The following NEXMIF variants were observed in gnomAD, a reference collection of about 807,000 sequenced individuals.
NEXMIF encodes neurite extension and migration factor.
Under a neutral mutation model 62.1 loss-of-function variants are expected in NEXMIF, and 8 were observed. The observed-to-expected ratio is 0.13, with a 90% CI of 0.08 to 0.23. The LOEUF (loss-of-function observed/expected upper bound fraction) is 0.23. NEXMIF is among the 10% of genes least tolerant of loss of function. NEXMIF has a pLI of 1.00. For missense variants in NEXMIF, 976 were observed against 1,113.3 expected, an observed-to-expected ratio of 0.88 and a Z score of 1.75; for synonymous variants, 404 against 416.6, an observed-to-expected ratio of 0.97 and a Z score of 0.37.
At chrX:74,893,132 C>T (rs1044144012) in intron 1 of NEXMIF, among the ~76,000 whole-genome samples, 3 of 112,177 alleles carry the variant, frequency 2.7e-5, no homozygotes, top group Non-Finnish European at 5.6e-5. Flanking sequence ...CCAGTAGAAT[C>T]AGAAAATATA....
At chrX:74,915,369 T>C (rs1324230166) in intron 1 of NEXMIF, among the ~76,000 whole-genome samples, 4 of 112,377 alleles carry the variant, frequency 3.6e-5, no homozygotes, top group Non-Finnish European at 5.6e-5. Context: ...CATTGGGGCA[T>C]TGGGAGAAGG....
intron 1 of NEXMIF, among the ~76,000 whole-genome samples, chrX:74,787,249 C>T (rs2080263808): frequency 9.4e-6 from 1 of 106,285 alleles, no homozygotes; most frequent in East Asian, 2.9e-4. Context: ...CGCCACTGTA[C>T]TCCAGTCTGG....
chrX:74,837,872 T>C (rs1285985127), intron 1 of NEXMIF, among the ~76,000 whole-genome samples: 1 of 112,043 alleles, frequency 8.9e-6, no homozygotes, highest in Non-Finnish European at 1.9e-5. Context: ...AAACTGAGCT[T>C]ATGAGAAAGG....
At chrX:74,911,371 G>A (rs2080789143) in intron 1 of NEXMIF, among the ~76,000 whole-genome samples, 1 of 111,564 alleles carries the variant, frequency 9.0e-6, no homozygotes, top group East Asian at 2.8e-4. Flanking sequence ...AGTGAGCTGA[G>A]ATCATGCCAC....
At chrX:74,873,044 G>C (rs2147505629) in intron 1 of NEXMIF, among the ~76,000 whole-genome samples, 1 of 108,321 alleles carries the variant, frequency 9.2e-6, no homozygotes, top group African/African-American at 3.4e-5. Flanking sequence ...AAATGTGCAG[G>C]TTCATTACTT....
At chrX:74,792,198 G>T (rs1471815965) in intron 1 of NEXMIF, among the ~76,000 whole-genome samples, 10 of 106,511 alleles carry the variant, frequency 9.4e-5, no homozygotes, top group Admixed American at 2.0e-4. Context: ...TGGTTTCAAA[G>T]AACATCTTTA....
At chrX:74,876,158 T>C (rs1472803714) in intron 1 of NEXMIF, among the ~76,000 whole-genome samples, 8 of 111,254 alleles carry the variant, frequency 7.2e-5, no homozygotes, top group Admixed American at 6.7e-4. Flanking sequence ...ACACACTGCT[T>C]TGAATGTGTC....
At chrX:74,855,120 C>G (rs972233843) in intron 1 of NEXMIF, among the ~76,000 whole-genome samples, 1 of 111,537 alleles carries the variant, frequency 9.0e-6, no homozygotes, top group Non-Finnish European at 1.9e-5. Flanking sequence ...GAATTCTGAG[C>G]AAAAGGTACA....
chrX:74,795,922 C>G (rs1203227761), intron 1 of NEXMIF, among the ~76,000 whole-genome samples: 1 of 103,855 alleles, frequency 9.6e-6, no homozygotes. Context: ...TATAGATGAA[C>G]AATTGTGAGA....
chrX:74,908,635 GTAAGTATAGC>G (rs1302217529), intron 1 of NEXMIF, among the ~76,000 whole-genome samples: 1 of 112,642 alleles, frequency 8.9e-6, no homozygotes, highest in African/African-American at 3.2e-5. Flanking sequence ...CTAAATCCAT[GTAAGTATAGC>G]TAACAAAGCA....
intron 1 of NEXMIF, among the ~76,000 whole-genome samples, chrX:74,894,048 T>C (rs1488362954): frequency 9.0e-6 from 1 of 110,831 alleles, no homozygotes; most frequent in Non-Finnish European, 1.9e-5. Context: ...TCCCAGAACT[T>C]TGGGAGGCTA....
chrX:74,872,976 T>A (rs1391430741), intron 1 of NEXMIF, among the ~76,000 whole-genome samples: 1 of 110,132 alleles, frequency 9.1e-6, no homozygotes, highest in Non-Finnish European at 1.9e-5. Flanking sequence ...TTGTTTTGGT[T>A]TTTTTTTAAT....
At chrX:74,879,015 C>T (rs2080651557) in intron 1 of NEXMIF, among the ~76,000 whole-genome samples, 1 of 111,721 alleles carries the variant, frequency 9.0e-6, no homozygotes, top group Admixed American at 9.5e-5. Flanking sequence ...GCTCCTCCCT[C>T]GCATTATTTT....
chrX:74,794,261 G>C (rs1331273230), intron 1 of NEXMIF, among the ~76,000 whole-genome samples: 1 of 108,228 alleles, frequency 9.2e-6, no homozygotes, highest in Non-Finnish European at 1.9e-5. Flanking sequence ...TGCCCCTGCT[G>C]GGGGGTGCCT....
At chrX:74,904,913 A>T (rs752584541) in intron 1 of NEXMIF, among the ~76,000 whole-genome samples, 2 of 111,413 alleles carry the variant, frequency 1.8e-5, no homozygotes, top group Non-Finnish European at 3.8e-5. Flanking sequence ...TTTGCTCTTC[A>T]GTATTTTACA....
chrX:74,887,210 T>C (rs888208001), intron 1 of NEXMIF, among the ~76,000 whole-genome samples: 3 of 111,489 alleles, frequency 2.7e-5, no homozygotes, highest in Non-Finnish European at 3.8e-5. Context: ...GAAGAAAACC[T>C]AGGCATTACC....
intron 1 of NEXMIF, among the ~76,000 whole-genome samples, chrX:74,919,623 T>C (rs1391310749): frequency 1.8e-5 from 2 of 110,134 alleles, no homozygotes; most frequent in East Asian, 5.7e-4. Context: ...ACACCTGTTC[T>C]TTTTTTTTAT....
At chrX:74,799,789 C>T (rs1462020278) in intron 1 of NEXMIF, among the ~76,000 whole-genome samples, 1 of 111,639 alleles carries the variant, frequency 9.0e-6, no homozygotes, top group African/African-American at 3.3e-5. Flanking sequence ...AGCCACTGTG[C>T]CCATCCAGGA....
chrX:74,894,030 G>A (rs1432154967), intron 1 of NEXMIF, among the ~76,000 whole-genome samples: 1 of 111,604 alleles, frequency 9.0e-6, no homozygotes, highest in African/African-American at 3.3e-5. Flanking sequence ...GGTGGCTCAC[G>A]CTTGAAATCC....
Sources: gnomAD v4.1 joint callset for allele counts (sites outside exome capture counted in the v4.1 genomes callset) on GRCh38, gnomAD v4.1.1 for gene constraint, MANE v1.5 for transcripts, NCBI Gene and HGNC (gene_info 2026-07-23, HGNC 2026-07-21) for gene names.